The following SGPP2 variants were observed in gnomAD, a reference collection of about 807,000 sequenced individuals.
The protein encoded by SGPP2 is sphingosine 1-phosphate phosphohydrolase 2.
Under a neutral mutation model 33.9 loss-of-function variants are expected in SGPP2, and 30 were observed. The ratio of observed to expected loss-of-function variants is 0.89; its 90% confidence interval spans 0.66 to 1.20. The LOEUF is 1.20. Among genes scored for constraint, SGPP2 ranks in the 50% most tolerant of loss-of-function variants. The probability of loss-of-function intolerance (pLI) is 0.00; values close to 1 mark genes in which losing one functional copy is unlikely to be tolerated. For missense variants in SGPP2, 458 were observed against 532.1 expected (o/e 0.86, Z 1.37); for synonymous variants, 233 against 225.0 (o/e 1.04, Z -0.32).
intron 2 of SGPP2, among the ~76,000 whole-genome samples, chr2:222,495,807 T>C (rs1405645463): frequency 6.6e-6 from 1 of 152,214 alleles, no homozygotes; most frequent in Non-Finnish European, 1.5e-5. Flanking sequence ...ACAAAATACC[T>C]GCCACCTTGA....
At chr2:222,457,317 G>A (rs1429812860) in intron 1 of SGPP2, among the ~76,000 whole-genome samples, 2 of 151,982 alleles carry the variant, frequency 1.3e-5, no homozygotes, top group Admixed American at 1.3e-4. Flanking sequence ...TATTTATTAT[G>A]TACGATGTTA....
In SGPP2 at chr2:222,483,069, G is replaced by A. The variant is rs773526116; in HGVS notation, c.378+8343G>A. On this transcript the variant is annotated intron_variant, in intron 2 of 4. Coordinates refer to ENST00000321276, the MANE Select transcript of SGPP2 (RefSeq NM_152386.4). ...AAAAGGAAAAGAAGGAAAGTTGGGCGGGACAACATTAAAAAAATAGAATAG... is the reference window on the plus strand; with the variant it reads ...AAAAGGAAAAGAAGGAAAGTTGGGCAGGACAACATTAAAAAAATAGAATAG... 3.3e-5 allele frequency among the ~76,000 whole-genome samples: 5 copies of A among 152,018 alleles called. No individual in the cohort carries two copies. The East Asian group carries it at 7.7e-4, about 23-fold the overall frequency.
At chr2:222,446,569 A>C (rs1485702333) in intron 1 of SGPP2, among the ~76,000 whole-genome samples, 1 of 152,226 alleles carries the variant, frequency 6.6e-6, no homozygotes, top group Non-Finnish European at 1.5e-5. Flanking sequence ...GTATAAGTCC[A>C]TCTTTAGCTT....
intron 2 of SGPP2, among the ~76,000 whole-genome samples, chr2:222,480,810 T>C (rs1341364229): frequency 6.6e-6 from 1 of 152,236 alleles, no homozygotes; most frequent in East Asian, 1.9e-4. Context: ...GGTATTTCCA[T>C]GCGTATATTC....
chr2:222,559,358 G>C lies in SGPP2; in HGVS notation c.*460G>C, dbSNP rs929560385. The C allele has an allele frequency of 4.3e-5, 7 of 161,412 alleles. No homozygotes were observed. The highest frequency in any genetic ancestry group is 9.5e-5 in the Non-Finnish European group (7 of 73,958). The allele number at this position is 161,412 out of a possible 1,614,324, so 10.0% of individuals were successfully genotyped here. On this transcript the variant is annotated 3_prime_UTR_variant, in exon 5 of 5. Coordinates refer to ENST00000321276, the MANE Select transcript of SGPP2 (RefSeq NM_152386.4). Reference sequence around the variant, plus strand: ...TTTCCGTTACAACCTTGCCTAGCATGGAGTTATTTCTAAAATGGGAACTTT... The same window carrying C: ...TTTCCGTTACAACCTTGCCTAGCATCGAGTTATTTCTAAAATGGGAACTTT...
chr2:222,530,892 C>T (rs1698828840), intron 4 of SGPP2, among the ~76,000 whole-genome samples: 1 of 152,114 alleles, frequency 6.6e-6, no homozygotes, highest in East Asian at 1.9e-4. Context: ...AGATGACAGC[C>T]AGGTGCAGTG....
chr2:222,462,031 C>T (rs1396572691), intron 1 of SGPP2, among the ~76,000 whole-genome samples: 1 of 152,082 alleles, frequency 6.6e-6, no homozygotes, highest in Non-Finnish European at 1.5e-5. Context: ...CATGCCTGTC[C>T]CCAGGTCGTT....
chr2:222,512,323 T>C (rs979092361), intron 2 of SGPP2, among the ~76,000 whole-genome samples: 17 of 152,258 alleles, frequency 1.1e-4, no homozygotes, highest in African/African-American at 4.1e-4. Context: ...AACTTTTATT[T>C]TTTTTAGAGA....
chr2:222,525,069 T>C, intron 4 of SGPP2, 36 bp downstream of exon 4: 1 of 1,485,556 alleles, frequency 6.7e-7, no homozygotes, highest in Admixed American at 1.8e-5. Flanking sequence ...GGTGATTGTT[T>C]GAATGATATT....
intron 2 of SGPP2, among the ~76,000 whole-genome samples, chr2:222,518,227 G>A (rs759564563): frequency 6.6e-6 from 1 of 152,154 alleles, no homozygotes; most frequent in Non-Finnish European, 1.5e-5. Flanking sequence ...TGCAGCCGTA[G>A]TATTTTTAAA....
chr2:222,446,889 G>A (rs561235458), intron 1 of SGPP2, among the ~76,000 whole-genome samples: 1 of 152,260 alleles, frequency 6.6e-6, no homozygotes, highest in South Asian at 2.1e-4. Flanking sequence ...GAAAAAAGAA[G>A]GATTGAGTTG....
Position 222,558,962 on chromosome 2 carries a change from A to G in SGPP2, c.*64A>G. The G allele has an allele frequency of 6.6e-7, 1 of 1,509,608 alleles. No individual in the cohort carries two copies. Among genetic ancestry groups the G allele is most frequent in the Non-Finnish European group, 9.0e-7 (1 of 1,113,826 alleles). The allele number at this position is 1,509,608 out of a possible 1,614,324, so 93.5% of individuals were successfully genotyped here. On this transcript the variant is annotated 3_prime_UTR_variant, in exon 5 of 5. Transcript: ENST00000321276. ...GCCAAGACATAGGAAAGTTATTGGTAGGCAAATCTTGACAACTTATTTTTC... is the reference window on the plus strand; with the variant it reads ...GCCAAGACATAGGAAAGTTATTGGTGGGCAAATCTTGACAACTTATTTTTC...
chr2:222,426,164 C>T (rs1697066280), intron 1 of SGPP2, among the ~76,000 whole-genome samples: 1 of 132,604 alleles, frequency 7.5e-6, no homozygotes, highest in African/African-American at 2.9e-5. Flanking sequence ...GAGCCAAGAT[C>T]ACGCCACTGC....
chr2:222,479,464 G>A (rs1244958212), intron 2 of SGPP2, among the ~76,000 whole-genome samples: 5 of 144,414 alleles, frequency 3.5e-5, no homozygotes, highest in African/African-American at 1.3e-4. Context: ...GTGCAGTGGC[G>A]CGATCTCGGC....
At chr2:222,520,731 A>AC (rs200103774) in intron 2 of SGPP2, among the ~76,000 whole-genome samples, 1,501 of 97,826 alleles carry the variant, frequency 0.015, 45 homozygotes, top group Non-Finnish European at 0.024. Flanking sequence ...TGAAAAAAAA[A>AC]AAAAAAAAAA....
intron 4 of SGPP2, among the ~76,000 whole-genome samples, chr2:222,546,979 C>G (rs74636869): frequency 1.5e-3 from 234 of 152,180 alleles, no homozygotes; most frequent in Non-Finnish European, 2.7e-3. Context: ...GACTCTCAGA[C>G]CCCTCCCAGA....
intron 4 of SGPP2, among the ~76,000 whole-genome samples, chr2:222,531,864 G>T (rs533885280): frequency 6.6e-6 from 1 of 152,232 alleles, no homozygotes; most frequent in East Asian, 1.9e-4. Context: ...GTTGGAAGGT[G>T]GAGACAGATA....
chr2:222,447,331 G>A (rs1697412900), intron 1 of SGPP2, among the ~76,000 whole-genome samples: 1 of 152,232 alleles, frequency 6.6e-6, no homozygotes, highest in Admixed American at 6.5e-5. Flanking sequence ...TGGGAAAGAA[G>A]GAAGTTGAAT....
At chr2:222,503,888 A>C (rs1429748817) in intron 2 of SGPP2, 2 of 152,150 alleles carry the variant, frequency 1.3e-5, no homozygotes, top group Admixed American at 6.5e-5. Context: ...CTCAGAGGTC[A>C]CACAGACCAT....
Sources: gnomAD v4.1 joint callset for allele counts (sites outside exome capture counted in the v4.1 genomes callset) on GRCh38, gnomAD v4.1.1 for gene constraint, MANE v1.5 for transcripts, NCBI Gene and HGNC (gene_info 2026-07-23, HGNC 2026-07-21) for gene names.